The following LDLRAD3 variants were observed in gnomAD, a reference collection of about 807,000 sequenced individuals.
LDLRAD3 encodes low-density lipoprotein receptor class A domain-containing protein 3.
In LDLRAD3, 20 loss-of-function variants were observed where a neutral mutation model predicts 29.4. The observed-to-expected ratio is 0.68, with a 90% confidence interval of 0.48 to 0.99. The LOEUF (loss-of-function observed/expected upper bound fraction) is 0.99, where lower values mean the gene tolerates loss of function less well. Among genes scored for constraint, LDLRAD3 ranks in the 50% least tolerant of loss-of-function variants. The probability of loss-of-function intolerance (pLI) is 0.00; values close to 1 mark genes in which losing one functional copy is unlikely to be tolerated. For missense variants in LDLRAD3, 420 were observed against 454.3 expected (o/e 0.92, Z 0.69); for synonymous variants, 157 against 192.7 (o/e 0.81, Z 1.53).
intron 3 of LDLRAD3, among the ~76,000 whole-genome samples, chr11:36,088,875 A>C (rs10742360): frequency 1 from 152,159 of 152,272 alleles, 76,023 homozygotes; most frequent in Non-Finnish European, 1. Flanking sequence ...ACAAATGTCA[A>C]CTCATCAGAG....
chr11:36,126,482 C>T lies in LDLRAD3; in HGVS notation c.454+28021C>T, dbSNP rs190318350. 4.9e-4 allele frequency among the ~76,000 whole-genome samples: 74 copies of T among 152,298 alleles called. 1 individual carries two copies. Among genetic ancestry groups the T allele is most frequent in the Admixed American group, 2.3e-3 (35 of 15,294 alleles). On this transcript the variant is annotated intron_variant, in intron 4 of 5. Coordinates refer to ENST00000315571, the MANE Select transcript of LDLRAD3 (RefSeq NM_174902.4). ...CCTGCCAGCCCCATTTCAGCCAATT[C>T]CAGCATGCAGGGAAGAGGTTGAGGA... is the stretch of plus-strand genomic sequence containing the variant.
rs146047705 is a variant in LDLRAD3 at position 36,115,798 on chromosome 11, C to T, written c.454+17337C>T. 5.2e-3 allele frequency among the ~76,000 whole-genome samples: 794 copies of T among 152,242 alleles called. 4 individuals are homozygous for T. The highest frequency in any genetic ancestry group is 8.5e-3 in the Non-Finnish European group (580 of 68,024). On this transcript the variant is annotated intron_variant, in intron 4 of 5. Transcript: ENST00000315571. ...TGAGATACCTTTACTTTCTCTGTGC[C>T]AGGCCTGTGCTAGGCATGGAGGATA...
chr11:36,144,382 G>T (rs1356351674), intron 4 of LDLRAD3, among the ~76,000 whole-genome samples: 6 of 141,756 alleles, frequency 4.2e-5, no homozygotes, highest in Non-Finnish European at 1.6e-5. Context: ...GTCTCTGCCT[G>T]GCCGCCCATC....
At chr11:36,034,466 T>A (rs1406224007) in intron 1 of LDLRAD3, among the ~76,000 whole-genome samples, 1 of 152,236 alleles carries the variant, frequency 6.6e-6, no homozygotes, top group Admixed American at 6.5e-5. Flanking sequence ...ATGTGGGCAG[T>A]TGGGCAGGGT....
At chr11:36,217,088 A>ATTT (rs1277962003) in intron 4 of LDLRAD3, among the ~76,000 whole-genome samples, 1 of 152,216 alleles carries the variant, frequency 6.6e-6, no homozygotes, top group Non-Finnish European at 1.5e-5. Context: ...AAGAAGGGAA[A>ATTT]TTGTGTATAT....
At chr11:36,104,263 G>A (rs1200240824) in intron 4 of LDLRAD3, among the ~76,000 whole-genome samples, 1 of 152,214 alleles carries the variant, frequency 6.6e-6, no homozygotes, top group African/African-American at 2.4e-5. Flanking sequence ...GAGGTTGGAA[G>A]TGGGTCCTCC....
intron 2 of LDLRAD3, among the ~76,000 whole-genome samples, chr11:36,051,314 A>G (rs1252749830): frequency 6.6e-6 from 1 of 152,178 alleles, no homozygotes; most frequent in Non-Finnish European, 1.5e-5. Context: ...GGAAGTAGCC[A>G]TGTGCTTGGT....
intron 1 of LDLRAD3, among the ~76,000 whole-genome samples, chr11:35,948,437 C>CGT (rs140009978): frequency 0.13 from 18,417 of 147,160 alleles, 1,337 homozygotes; most frequent in African/African-American, 0.2. Context: ...GTTGGCTGAT[C>CGT]GTGTGTGTGT....
At chr11:36,033,479 G>A (rs1243918697) in intron 1 of LDLRAD3, among the ~76,000 whole-genome samples, 11 of 152,136 alleles carry the variant, frequency 7.2e-5, no homozygotes, top group Non-Finnish European at 1.0e-4. Context: ...CAATTTTCCC[G>A]CTCCAAAAAT....
rs1270200246 is a variant in LDLRAD3, at chr11:35,968,262, G to A, written c.46+24118G>A. ...GGGATTAGTATTGACCAGAGCCAGT[G>A]AGGTCATCTCATCCTTGGGAGGAGT... On this transcript the variant is annotated intron_variant, in intron 1 of 5. Coordinates refer to ENST00000315571, the MANE Select transcript of LDLRAD3 (RefSeq NM_174902.4). The A allele has an allele frequency of 7.8e-5, 31 of 396,196 alleles. 1 individual carries two copies. Among genetic ancestry groups the A allele is most frequent in the South Asian group, 6.5e-4 (31 of 47,900 alleles). 24.5% of individuals were successfully genotyped at this position (396,196 alleles called of 1,614,324 possible). A position where few individuals can be genotyped will look rare whatever the true frequency, so the allele number is the denominator to read the frequency against.
chr11:36,199,498 C>G (rs11821022), intron 4 of LDLRAD3, among the ~76,000 whole-genome samples: 2 of 152,110 alleles, frequency 1.3e-5, no homozygotes, highest in Non-Finnish European at 2.9e-5. Context: ...CTCTGTGGTA[C>G]GATCGAAGAC....
At chr11:35,948,437 CGTGTGTGTGTGTGT>C (rs140009978) in intron 1 of LDLRAD3, among the ~76,000 whole-genome samples, 16 of 147,190 alleles carry the variant, frequency 1.1e-4, no homozygotes, top group African/African-American at 3.7e-4. Context: ...GTTGGCTGAT[CGTGTGTGTGTGTGT>C]GTGTGTGTGT....
intron 3 of LDLRAD3, among the ~76,000 whole-genome samples, chr11:36,096,238 G>A (rs944530892): frequency 5.9e-5 from 9 of 152,190 alleles, no homozygotes; most frequent in African/African-American, 2.2e-4. Context: ...GCTTTAGATA[G>A]CGTTGTGAAG....
At chr11:36,170,269 T>TACACATATATGTACATATATAC (rs1554970600) in intron 4 of LDLRAD3, among the ~76,000 whole-genome samples, 1 of 149,074 alleles carries the variant, frequency 6.7e-6, no homozygotes, top group African/African-American at 2.5e-5. Context: ...CACATATATA[T>TACACATATATGTACATATATAC]ACACATATAT....
chr11:36,096,684 T>G (rs1175606898), intron 3 of LDLRAD3, among the ~76,000 whole-genome samples: 1 of 152,282 alleles, frequency 6.6e-6, no homozygotes, highest in Non-Finnish European at 1.5e-5. Flanking sequence ...CTTTTTGGCC[T>G]GTGGCTGGCG....
chr11:36,069,092 T>C (rs58503981), intron 2 of LDLRAD3, among the ~76,000 whole-genome samples: 7,150 of 152,286 alleles, frequency 0.047, 542 homozygotes, highest in African/African-American at 0.16. Flanking sequence ...TCAATAAAAC[T>C]TGGAGTCTAC....
intron 2 of LDLRAD3, among the ~76,000 whole-genome samples, chr11:36,048,209 G>C (rs529662607): frequency 6.6e-6 from 1 of 152,142 alleles, no homozygotes; most frequent in Admixed American, 6.5e-5. Flanking sequence ...AAATACTGTG[G>C]ATGTTCAGGT....
intron 4 of LDLRAD3, among the ~76,000 whole-genome samples, chr11:36,178,498 A>T (rs1014145681): frequency 6.6e-6 from 1 of 151,788 alleles, no homozygotes; most frequent in Non-Finnish European, 1.5e-5. Context: ...TACCTCTCCC[A>T]CTCAAACCCC....
intron 4 of LDLRAD3, among the ~76,000 whole-genome samples, chr11:36,111,202 G>A (rs1016548791): frequency 1.1e-4 from 16 of 152,158 alleles, no homozygotes; most frequent in Non-Finnish European, 1.5e-4. Flanking sequence ...ACTGCATGCC[G>A]TGAGAATTCT....
Sources: gnomAD v4.1 joint callset for allele counts (sites outside exome capture counted in the v4.1 genomes callset) on GRCh38, gnomAD v4.1.1 for gene constraint, MANE v1.5 for transcripts, NCBI Gene and HGNC (gene_info 2026-07-23, HGNC 2026-07-21) for gene names.